Variants in MTHFD1L observed in about 807,000 individuals in gnomAD.
MTHFD1L encodes methylenetetrahydrofolate dehydrogenase (NADP+ dependent) 1 like.
MTHFD1L carries 81 observed loss-of-function variants against 119.5 expected under a neutral mutation model. That is an observed-to-expected ratio of 0.68 (90% CI 0.57 to 0.82). The LOEUF is 0.82. Ranked by LOEUF, MTHFD1L falls within the 40% of genes least tolerant of loss-of-function variation. The pLI is 0.00. For synonymous variants in MTHFD1L, 430 were observed against 475.2 expected (o/e 0.90, Z 1.24); for missense variants, 1,125 against 1,253.4 (o/e 0.90, Z 1.55).
intron 26 of MTHFD1L, among the ~76,000 whole-genome samples, chr6:151,064,358 G>A (rs1790986145): frequency 6.6e-6 from 1 of 152,122 alleles, no homozygotes; most frequent in Non-Finnish European, 1.5e-5. Context: ...TGTCGCCCAG[G>A]CTGGAGTACA....
At chr6:150,937,740 A>C (rs910811291) in intron 12 of MTHFD1L, among the ~76,000 whole-genome samples, 1 of 152,100 alleles carries the variant, frequency 6.6e-6, no homozygotes, top group Non-Finnish European at 1.5e-5. Flanking sequence ...AACCTCTCGG[A>C]GCCGCATCTC....
At chr6:151,060,898 C>T (rs913126999) in intron 26 of MTHFD1L, among the ~76,000 whole-genome samples, 6 of 152,166 alleles carry the variant, frequency 3.9e-5, no homozygotes, top group South Asian at 4.2e-4. Context: ...GAGTGGAAAA[C>T]GGAGAAATTA....
chr6:150,957,266 C>T (rs1377695214), intron 17 of MTHFD1L, among the ~76,000 whole-genome samples: 1 of 152,072 alleles, frequency 6.6e-6, no homozygotes, highest in Non-Finnish European at 1.5e-5. Context: ...GGATACAGAA[C>T]TAAAATGCCA....
intron 15 of MTHFD1L, among the ~76,000 whole-genome samples, chr6:150,947,513 C>T (rs1794179317): frequency 6.6e-6 from 1 of 152,048 alleles, no homozygotes; most frequent in Non-Finnish European, 1.5e-5. Flanking sequence ...AAGAGGATTG[C>T]TTGAGCCCAG....
At chr6:151,069,231 C>G (rs1168554959) in intron 26 of MTHFD1L, among the ~76,000 whole-genome samples, 5 of 145,610 alleles carry the variant, frequency 3.4e-5, no homozygotes, top group African/African-American at 1.3e-4. Context: ...TCATAAGGCC[C>G]AAAACTATCT....
chr6:151,003,542 A>AAG (rs397689315), intron 20 of MTHFD1L, among the ~76,000 whole-genome samples: 2 of 151,718 alleles, frequency 1.3e-5, no homozygotes, highest in African/African-American at 4.8e-5. Context: ...CCAAAAAAAA[A>AAG]GGGGGGAAAG....
intron 13 of MTHFD1L, among the ~76,000 whole-genome samples, chr6:150,941,315 G>T (rs1793066591): frequency 6.6e-6 from 1 of 152,310 alleles, no homozygotes; most frequent in Middle Eastern, 3.4e-3. Context: ...AGGTAGAGAA[G>T]TGTGCAGGCG....
chr6:150,960,430 C>T lies in MTHFD1L; in HGVS notation c.1944+15C>T. 6.3e-7 allele frequency: 1 copy of T among 1,599,334 alleles called. No homozygotes were observed. The highest frequency in any genetic ancestry group is 8.5e-7 in the Non-Finnish European group (1 of 1,172,268). ...CAGATGATTTGGTGAGTGTTTCCAA[C>T]TCGGAAGCTTCAGGGAGTGGACGGT... On this transcript the variant is annotated intron_variant, in intron 18 of 27. Coordinates refer to ENST00000367321, the MANE Select transcript of MTHFD1L (RefSeq NM_015440.5).
In MTHFD1L at chr6:150,876,194, C is replaced by T; in HGVS notation, c.312+20C>T. ...ATCCAGGTAAGCCGAGAACAAGGTT[C>T]AGTCCTACTATTTTAGGATGCCTTT... On this transcript the variant is annotated intron_variant, in intron 2 of 27. Transcript: ENST00000367321. 1 of 1,534,538 alleles carries T rather than the reference C, an allele frequency of 6.5e-7. No individual in the cohort carries two copies. Among genetic ancestry groups the T allele is most frequent in the Non-Finnish European group, 8.8e-7 (1 of 1,134,988 alleles).
chr6:150,875,941 A>G (rs1427842888), intron 1 of MTHFD1L, 149 bp from the exon 2 acceptor site: 15 of 610,264 alleles, frequency 2.5e-5, no homozygotes, highest in Non-Finnish European at 4.1e-5. Context: ...TACGCCGCCT[A>G]CCCCCTCCAC....
chr6:150,988,759 A>G (rs1778661217), intron 20 of MTHFD1L, among the ~76,000 whole-genome samples: 1 of 152,228 alleles, frequency 6.6e-6, no homozygotes, highest in Non-Finnish European at 1.5e-5. Flanking sequence ...GGCATGTGCC[A>G]CCACACCCGG....
At chr6:151,023,196 G>GC (rs1234972025) in intron 24 of MTHFD1L, among the ~76,000 whole-genome samples, 10 of 151,972 alleles carry the variant, frequency 6.6e-5, no homozygotes, top group African/African-American at 2.4e-4. Context: ...ACAGGTGTGG[G>GC]CCACTATGCC....
At chr6:150,956,132 G>T in intron 17 of MTHFD1L, 61 bp downstream of exon 17, 1 of 1,521,540 alleles carries the variant, frequency 6.6e-7, no homozygotes, top group Non-Finnish European at 9.1e-7. Flanking sequence ...ACTGGCCTGG[G>T]AGCTCACTCT....
intron 26 of MTHFD1L, among the ~76,000 whole-genome samples, chr6:151,042,845 A>T (rs760518424): frequency 2.6e-5 from 4 of 152,228 alleles, no homozygotes; most frequent in Admixed American, 6.5e-5. Context: ...TCAAATTACT[A>T]CATTGGGCGT....
chr6:150,994,082 A>AAAGAAAGAAAGAAAGAAAG (rs1554273902), intron 20 of MTHFD1L, among the ~76,000 whole-genome samples: 2 of 139,856 alleles, frequency 1.4e-5, no homozygotes, highest in Non-Finnish European at 3.0e-5. Context: ...AAAAAAAAAG[A>AAAGAAAGAAAGAAAGAAAG]AAGAAAGAAA....
Position 150,910,958 on chromosome 6 carries a change from A to G in MTHFD1L, c.892+5197A>G, listed in dbSNP as rs79954900. Among the ~76,000 whole-genome samples, 109 of 152,370 alleles carry G rather than the reference A, an allele frequency of 7.2e-4. 1 individual carries two copies. Among genetic ancestry groups the G allele is most frequent in the African/African-American group, 2.1e-3 (87 of 41,596 alleles). ...CGTGTAATTTTCATTATGCCAAAGC[A>G]ATTGATATAAAATTAGGATCTTTGC... On this transcript the variant is annotated intron_variant, in intron 8 of 27. Transcript: ENST00000367321.
At chr6:150,916,316 T>TC (rs1562371935) in intron 8 of MTHFD1L, among the ~76,000 whole-genome samples, 2 of 142,758 alleles carry the variant, frequency 1.4e-5, no homozygotes, top group Non-Finnish European at 3.1e-5. Flanking sequence ...TTTTTTTTTT[T>TC]TTTCAGATAG....
intron 17 of MTHFD1L, among the ~76,000 whole-genome samples, chr6:150,959,984 C>G (rs1033385405): frequency 6.6e-6 from 1 of 152,182 alleles, no homozygotes; most frequent in Non-Finnish European, 1.5e-5. Flanking sequence ...CAACAGCAAA[C>G]CATGTGGTAG....
At chr6:150,970,999 A>G (rs1797932313) in intron 19 of MTHFD1L, among the ~76,000 whole-genome samples, 1 of 152,180 alleles carries the variant, frequency 6.6e-6, no homozygotes, top group Non-Finnish European at 1.5e-5. Context: ...TGCTCTCAAC[A>G]TTATCTGATT....
Sources: allele counts gnomAD v4.1 joint callset (sites outside exome capture counted in the v4.1 genomes callset), GRCh38; gene constraint gnomAD v4.1.1; transcripts MANE v1.5; gene names NCBI Gene and HGNC (gene_info 2026-07-23, HGNC 2026-07-21).